Variants in RABGAP1L observed in about 807,000 individuals in gnomAD.
RABGAP1L encodes RAB GTPase activating protein 1 like, also known as rab GTPase-activating protein 1-like.
RABGAP1L carries 63 observed loss-of-function variants against 137.7 expected under a neutral mutation model. That is an observed-to-expected ratio of 0.46 (90% CI 0.37 to 0.56). The LOEUF (loss-of-function observed/expected upper bound fraction) is 0.56, where lower values mean the gene tolerates loss of function less well. Ranked by LOEUF, RABGAP1L falls within the 20% of genes least tolerant of loss-of-function variation. The pLI, the probability that RABGAP1L is intolerant of heterozygous loss-of-function variation, is 0.00. For missense variants in RABGAP1L, 1,095 were observed against 1,244.0 expected, an observed-to-expected ratio of 0.88 and a Z score of 1.80; for synonymous variants, 431 against 433.7, an observed-to-expected ratio of 0.99 and a Z score of 0.08.
chr1:174,424,161 T>G (rs1336939629), intron 13 of RABGAP1L, among the ~76,000 whole-genome samples: 1 of 152,126 alleles, frequency 6.6e-6, no homozygotes, highest in African/African-American at 2.4e-5. Context: ...ATATAGGATA[T>G]ATCTTCTTTT....
At chr1:174,222,582 TAGAA>T (rs1434127067) in intron 3 of RABGAP1L, among the ~76,000 whole-genome samples, 1 of 152,194 alleles carries the variant, frequency 6.6e-6, no homozygotes, top group African/African-American at 2.4e-5. Flanking sequence ...TTGGAAAACT[TAGAA>T]GGAAACTTGC....
intron 20 of RABGAP1L, among the ~76,000 whole-genome samples, chr1:174,962,046 G>C (rs1373541940): frequency 2.0e-5 from 3 of 151,838 alleles, no homozygotes; most frequent in African/African-American, 4.8e-5. Flanking sequence ...GTGGTGGTGG[G>C]CACCTGTAGT....
chr1:174,196,071 G>A (rs1167105967), intron 1 of RABGAP1L, among the ~76,000 whole-genome samples: 1 of 151,590 alleles, frequency 6.6e-6, no homozygotes, highest in Admixed American at 6.6e-5. Flanking sequence ...TCCTGACCTC[G>A]TGATCCGCCC....
At chr1:174,710,732 G>C (rs987208661) in intron 17 of RABGAP1L, among the ~76,000 whole-genome samples, 1 of 152,164 alleles carries the variant, frequency 6.6e-6, no homozygotes, top group Non-Finnish European at 1.5e-5. Context: ...AAATTGTAAA[G>C]ACCATCAACA....
In RABGAP1L at chr1:174,976,138, G is replaced by A. The variant is rs1017377003; in HGVS notation, c.2605G>A (p.Glu869Lys). The part of the protein sequence containing the change: ...ELLLTKQRLV[E>K]TEEEKRKQEE... The stretch of plus-strand genomic sequence containing the variant: ...CCTTTTGACCAAACAGAGGCTGGTG[G>A]AGACTGAAGAGGAGAAGAGGAAGCA... Residue 869 changes from glutamate to lysine, a missense_variant, in exon 22 of 26, where the codon GAG becomes AAG. Physicochemically the swap from Glu to Lys is moderately conservative, Grantham distance 56. Coordinates refer to ENST00000681986, the MANE Select transcript of RABGAP1L (RefSeq NM_001366446.1). 1.3e-6 allele frequency: 2 copies of A among 1,551,094 alleles called. No homozygotes were observed. The highest frequency in any genetic ancestry group is 1.7e-4 in the Middle Eastern group (1 of 5,996).
chr1:174,698,277 C>T (rs1572846162), intron 15 of RABGAP1L, among the ~76,000 whole-genome samples: 1 of 152,218 alleles, frequency 6.6e-6, no homozygotes, highest in African/African-American at 2.4e-5. Context: ...TATTCTTTCA[C>T]CTGTTGATAC....
At chr1:174,573,429 G>A (rs1668141286) in intron 13 of RABGAP1L, among the ~76,000 whole-genome samples, 1 of 151,944 alleles carries the variant, frequency 6.6e-6, no homozygotes, top group African/African-American at 2.4e-5. Context: ...AGTGTTTTCT[G>A]GTTTTGATAT....
intron 19 of RABGAP1L, among the ~76,000 whole-genome samples, chr1:174,953,978 G>C (rs185291519): frequency 2.6e-5 from 4 of 152,296 alleles, no homozygotes; most frequent in Non-Finnish European, 5.9e-5. Flanking sequence ...TTGATCATCC[G>C]TGGGGACGGT....
intron 13 of RABGAP1L, among the ~76,000 whole-genome samples, chr1:174,452,752 G>C (rs1377218747): frequency 2.0e-5 from 3 of 151,964 alleles, no homozygotes; most frequent in African/African-American, 7.2e-5. Context: ...TAGTAGAGCC[G>C]GGGTTTCGCG....
intron 17 of RABGAP1L, among the ~76,000 whole-genome samples, chr1:174,718,432 A>G (rs1321469794): frequency 6.6e-6 from 1 of 152,164 alleles, no homozygotes; most frequent in East Asian, 1.9e-4. Flanking sequence ...ACCCCCTTCT[A>G]TTATCCTGGG....
intron 9 of RABGAP1L, 110 bp from the exon 10 acceptor site, chr1:174,278,503 A>C: frequency 1.3e-6 from 1 of 774,296 alleles, no homozygotes; most frequent in African/African-American, 1.8e-5. Context: ...TAAACATAGA[A>C]GGTATTACAA....
At chr1:174,165,531 C>G (rs776110659) in intron 1 of RABGAP1L, among the ~76,000 whole-genome samples, 1 of 151,114 alleles carries the variant, frequency 6.6e-6, no homozygotes, top group South Asian at 2.1e-4. Flanking sequence ...CAGCATCTCA[C>G]TCCCGTTACT....
At chr1:174,965,994 C>T (rs1011196138) in intron 20 of RABGAP1L, among the ~76,000 whole-genome samples, 2 of 152,210 alleles carry the variant, frequency 1.3e-5, no homozygotes, top group African/African-American at 4.8e-5. Context: ...GCTGAACTCA[C>T]ACCTCTTTCT....
At chr1:174,964,478 C>T (rs933935930) in intron 20 of RABGAP1L, among the ~76,000 whole-genome samples, 4 of 152,152 alleles carry the variant, frequency 2.6e-5, no homozygotes, top group Admixed American at 2.0e-4. Context: ...ACTTCAGCCC[C>T]CAGGTACACA....
At chr1:174,412,499 A>G (rs1650054022) in intron 13 of RABGAP1L, among the ~76,000 whole-genome samples, 1 of 152,090 alleles carries the variant, frequency 6.6e-6, no homozygotes, top group African/African-American at 2.4e-5. Flanking sequence ...TGATGCTATC[A>G]TAAAGTTGTT....
intron 13 of RABGAP1L, among the ~76,000 whole-genome samples, chr1:174,522,885 G>A (rs578129253): frequency 2.0e-5 from 3 of 152,234 alleles, no homozygotes; most frequent in Non-Finnish European, 4.4e-5. Context: ...TCATTCATGA[G>A]AAATCTGCTC....
chr1:174,972,853 C>T (rs370676223), intron 21 of RABGAP1L, among the ~76,000 whole-genome samples: 10 of 52,824 alleles, frequency 1.9e-4, no homozygotes, highest in Non-Finnish European at 2.1e-4. Context: ...GACTCTGTCT[C>T]AAAAAAAAAA....
intron 7 of RABGAP1L, among the ~76,000 whole-genome samples, chr1:174,258,928 C>A (rs185646169): frequency 3.9e-5 from 6 of 152,012 alleles, no homozygotes; most frequent in African/African-American, 1.4e-4. Context: ...CAGGTGTCCA[C>A]CACTACTCTG....
intron 19 of RABGAP1L, among the ~76,000 whole-genome samples, chr1:174,947,669 C>G (rs1007993500): frequency 2.0e-5 from 3 of 152,136 alleles, no homozygotes; most frequent in African/African-American, 4.8e-5. Context: ...ACCTACTTGC[C>G]TCAGCTTCCC....
Sources: gnomAD v4.1 joint callset for allele counts (sites outside exome capture counted in the v4.1 genomes callset) on GRCh38, gnomAD v4.1.1 for gene constraint, MANE v1.5 for transcripts, NCBI Gene and HGNC (gene_info 2026-07-23, HGNC 2026-07-21) for gene names.